KSR1: variants seen among roughly 807,000 people sequenced by gnomAD.
KSR1 encodes kinase suppressor of ras 1.
A neutral mutation model predicts 92.9 loss-of-function variants in KSR1; 35 were observed. The observed-to-expected ratio is 0.38, with a 90% CI of 0.29 to 0.50. The LOEUF (loss-of-function observed/expected upper bound fraction) is 0.50. Among genes scored for constraint, KSR1 ranks in the 20% least tolerant of loss-of-function variants. KSR1 has a pLI of 0.94. For missense variants in KSR1, 972 were observed against 1,158.5 expected (o/e 0.84, Z 2.34); for synonymous variants, 467 against 472.6 (o/e 0.99, Z 0.15).
At chr17:27,474,495 G>A (rs918285157) in intron 1 of KSR1, among the ~76,000 whole-genome samples, 1 of 152,220 alleles carries the variant, frequency 6.6e-6, no homozygotes, top group African/African-American at 2.4e-5. Flanking sequence ...CTGGCTAGCT[G>A]TGTGTCTTTG....
At position 27,610,145 on chromosome 17, in the gene KSR1, G is replaced by A; in HGVS notation, c.2304G>A (p.Gly768=). The change falls in exon 17 of 21, where the codon GGG becomes GGA. Residue 768 remains glycine (G), a synonymous_variant. Coordinates refer to ENST00000644974, the MANE Select transcript of KSR1 (RefSeq NM_001394583.1). Reference sequence around the variant, plus strand: ...AGATTGTACGCGAGATGACCCCCGGGAAGGACGAGGATCAGCTGCCATTCT... The same window carrying A: ...AGATTGTACGCGAGATGACCCCCGGAAAGGACGAGGATCAGCTGCCATTCT... The part of the protein sequence containing the change: ...APEIVREMTP[G]KDEDQLPFSK... 1 of 1,614,060 alleles carries A rather than the reference G, an allele frequency of 6.2e-7. No homozygotes were observed. Among genetic ancestry groups the A allele is most frequent in the Non-Finnish European group, 8.5e-7 (1 of 1,179,890 alleles).
intron 19 of KSR1, among the ~76,000 whole-genome samples, chr17:27,619,582 G>A (rs974695342): frequency 6.6e-6 from 1 of 151,648 alleles, no homozygotes; most frequent in Non-Finnish European, 1.5e-5. Flanking sequence ...ATTTTTAGTA[G>A]AGATGGGGTT....
chr17:27,598,747 C>G (rs887608116), intron 10 of KSR1, among the ~76,000 whole-genome samples: 3 of 152,250 alleles, frequency 2.0e-5, no homozygotes, highest in African/African-American at 7.2e-5. Context: ...CAGACCCTTG[C>G]TGCTTTCCCT....
intron 15 of KSR1, among the ~76,000 whole-genome samples, chr17:27,608,765 C>A (rs1429926758): frequency 6.6e-6 from 1 of 152,168 alleles, no homozygotes; most frequent in Non-Finnish European, 1.5e-5. Context: ...TGTTCCCCCA[C>A]CTTGAGCCCT....
At chr17:27,547,971 C>T (rs1486173578) in intron 1 of KSR1, among the ~76,000 whole-genome samples, 1 of 152,168 alleles carries the variant, frequency 6.6e-6, no homozygotes, top group Non-Finnish European at 1.5e-5. Flanking sequence ...CCTTGGCGTC[C>T]CAAAGTGCTG....
intron 2 of KSR1, among the ~76,000 whole-genome samples, chr17:27,564,843 C>G (rs1378915675): frequency 6.6e-6 from 1 of 151,390 alleles, no homozygotes; most frequent in Non-Finnish European, 1.5e-5. Flanking sequence ...CTTTTCCTCC[C>G]TCAGAGATGA....
At chr17:27,614,573 A>G (rs2074006658) in intron 18 of KSR1, among the ~76,000 whole-genome samples, 1 of 152,246 alleles carries the variant, frequency 6.6e-6, no homozygotes, top group African/African-American at 2.4e-5. Flanking sequence ...GGAGCTTTAT[A>G]AAAATGCCAG....
chr17:27,602,923 A>C (rs1327427502), intron 11 of KSR1, among the ~76,000 whole-genome samples: 1 of 152,276 alleles, frequency 6.6e-6, no homozygotes, highest in African/African-American at 2.4e-5. Context: ...TCAAAGGCAG[A>C]AGAAAGCCCT....
In KSR1 at chr17:27,584,026, C is replaced by T. The variant is rs893235457; in HGVS notation, c.980+921C>T. ...ATTTCGTTGTATAGTTTATCTTGTC[C>T]CTTCTTGATGGGCGTTAGATCATTG... is the stretch of plus-strand genomic sequence containing the variant. On this transcript the variant is annotated intron_variant, in intron 4 of 20. Transcript: ENST00000644974. The T allele has an allele frequency of 3.1e-6, 3 of 960,308 alleles. No individual in the cohort carries two copies. The African/African-American group carries it at 5.3e-5, about 17-fold the overall frequency. The allele number at this position is 960,308 out of a possible 1,614,324, so 59.5% of individuals were successfully genotyped here.
At chr17:27,533,767 C>G (rs1476450716) in intron 1 of KSR1, among the ~76,000 whole-genome samples, 1 of 152,192 alleles carries the variant, frequency 6.6e-6, no homozygotes, top group Admixed American at 6.5e-5. Context: ...GCTGTCTGTA[C>G]GCATAAAGCA....
chr17:27,499,478 G>C (rs2069102980), intron 1 of KSR1, among the ~76,000 whole-genome samples: 1 of 152,212 alleles, frequency 6.6e-6, no homozygotes, highest in African/African-American at 2.4e-5. Flanking sequence ...AGAAACTATA[G>C]TCTGCTAAGG....
chr17:27,503,405 T>G (rs1465715822), intron 1 of KSR1, among the ~76,000 whole-genome samples: 2 of 152,216 alleles, frequency 1.3e-5, no homozygotes, highest in Non-Finnish European at 2.9e-5. Context: ...AGTGCAAGGT[T>G]GAGATTCTCT....
chr17:27,526,838 A>C, intron 1 of KSR1: 1 of 733,094 alleles, frequency 1.4e-6, no homozygotes, highest in East Asian at 2.5e-5. Flanking sequence ...CTCCGGGGGG[A>C]GGGGTGGAAG....
intron 1 of KSR1, among the ~76,000 whole-genome samples, chr17:27,510,258 G>A (rs1376113674): frequency 4.6e-5 from 7 of 152,218 alleles, no homozygotes; most frequent in African/African-American, 7.2e-5. Flanking sequence ...GGAAGGTGGC[G>A]GTGCTGCCCC....
At chr17:27,598,384 G>A (rs1485816869) in intron 10 of KSR1, among the ~76,000 whole-genome samples, 1 of 152,218 alleles carries the variant, frequency 6.6e-6, no homozygotes, top group Non-Finnish European at 1.5e-5. Flanking sequence ...CCTGTGCCAG[G>A]AGATCCCCAG....
chr17:27,485,962 T>G (rs1421740256), intron 1 of KSR1, among the ~76,000 whole-genome samples: 1 of 152,238 alleles, frequency 6.6e-6, no homozygotes, highest in Non-Finnish European at 1.5e-5. Flanking sequence ...GTGAGTGTTC[T>G]CCAAACGTTA....
chr17:27,499,862 A>T (rs1481952098), intron 1 of KSR1, among the ~76,000 whole-genome samples: 1 of 152,212 alleles, frequency 6.6e-6, no homozygotes, highest in East Asian at 1.9e-4. Flanking sequence ...TCTGTTTGGA[A>T]GGGTGTCAAA....
intron 6 of KSR1, among the ~76,000 whole-genome samples, chr17:27,590,578 A>T (rs771325248): frequency 2.6e-5 from 4 of 152,242 alleles, no homozygotes; most frequent in African/African-American, 4.8e-5. Flanking sequence ...GTACTGCCAG[A>T]TGACCACACC....
At chr17:27,466,449 G>A (rs1033334156) in intron 1 of KSR1, among the ~76,000 whole-genome samples, 7 of 150,874 alleles carry the variant, frequency 4.6e-5, no homozygotes, top group Admixed American at 4.6e-4. Flanking sequence ...AGGTGTGCCC[G>A]CCTGCCTGCC....
Sources: allele counts gnomAD v4.1 joint callset (sites outside exome capture counted in the v4.1 genomes callset), GRCh38; gene constraint gnomAD v4.1.1; transcripts MANE v1.5; gene names NCBI Gene and HGNC (gene_info 2026-07-23, HGNC 2026-07-21).